LYST: variants seen among roughly 807,000 people sequenced by gnomAD.
The protein encoded by LYST is lysosomal trafficking regulator.
In LYST, 192 loss-of-function variants were observed where a neutral mutation model predicts 413.6. The ratio of observed to expected loss-of-function variants is 0.46; its 90% CI spans 0.41 to 0.52. LYST has a LOEUF of 0.52. LYST is among the 20% of genes least tolerant of loss of function. The pLI is 0.00. For synonymous variants in LYST, 1,525 were observed against 1,567.3 expected (o/e 0.97, Z 0.64); for missense variants, 3,815 against 4,499.9 (o/e 0.85, Z 4.35).
At chr1:235,871,778 C>G (rs920678869), upstream of LYST, among the ~76,000 whole-genome samples, 5 of 152,286 alleles carry the variant, frequency 3.3e-5, no homozygotes, top group African/African-American at 1.2e-4. Context: ...GAATTCTTTC[C>G]TGTGCAAGAT....
chr1:235,745,804 C>T (rs1665862534), intron 29 of LYST, among the ~76,000 whole-genome samples: 1 of 152,128 alleles, frequency 6.6e-6, no homozygotes, highest in Non-Finnish European at 1.5e-5. Context: ...ATACTGTACG[C>T]TTCCATTTAT....
At chr1:235,702,148 T>A (rs1045304208) in intron 45 of LYST, among the ~76,000 whole-genome samples, 1 of 152,258 alleles carries the variant, frequency 6.6e-6, no homozygotes, top group Non-Finnish European at 1.5e-5. Context: ...GCTGTTTTTA[T>A]AACGAAGAAT....
At chr1:235,867,408 A>G (rs1680682707), upstream of LYST, among the ~76,000 whole-genome samples, 1 of 152,208 alleles carries the variant, frequency 6.6e-6, no homozygotes, top group Non-Finnish European at 1.5e-5. Flanking sequence ...GTTACCCACA[A>G]GGCACCCCTA....
At chr1:235,739,105 T>C (rs1665099775) in intron 31 of LYST, 1 of 528,906 alleles carries the variant, frequency 1.9e-6, no homozygotes, top group East Asian at 5.2e-5. Context: ...TTAAGATGGA[T>C]TGGGAAAAAC....
chr1:235,768,288 G>T (rs1488037302), intron 20 of LYST, among the ~76,000 whole-genome samples: 1 of 151,916 alleles, frequency 6.6e-6, no homozygotes, highest in Admixed American at 6.6e-5. Flanking sequence ...CATTTAAAAA[G>T]AATCAAGTCC....
chr1:235,679,692 C>G (rs1020256296), intron 48 of LYST, among the ~76,000 whole-genome samples: 2 of 152,088 alleles, frequency 1.3e-5, no homozygotes, highest in Non-Finnish European at 2.9e-5. Context: ...AAAGTGAAGT[C>G]TTTGAGGATC....
Position 235,810,222 on chromosome 1 carries a change from T to A in LYST, c.596A>T (p.Asp199Val), listed in dbSNP as rs775288121. The change falls in exon 5 of 53, where the codon GAC becomes GTC. Residue 199 changes from aspartate to valine, a missense_variant. By Grantham distance (152) the Asp-to-Val change is radical. This residue lies in a region of LYST where 1,648 missense variants were observed against 1,810.3 expected (regional missense o/e 0.91). Coordinates refer to ENST00000389793, the MANE Select transcript of LYST (RefSeq NM_000081.4). ...HHFLTSFPKQ[D>V]HPKAKLDRLA... ...GCGGTCAAGTTTAGCTTTGGGGTGG[T>A]CTTGTTTAGGAAACGATGTTAAAAA... 2 of 1,613,972 alleles carry A rather than the reference T, an allele frequency of 1.2e-6. No individual in the cohort carries two copies. Among genetic ancestry groups the A allele is most frequent in the Admixed American group, 3.3e-5 (2 of 59,996 alleles).
intron 16 of LYST, among the ~76,000 whole-genome samples, chr1:235,778,406 G>C (rs906218073): frequency 9.9e-5 from 15 of 151,820 alleles, no homozygotes; most frequent in Non-Finnish European, 2.1e-4. Flanking sequence ...ACGGAGTCTT[G>C]CTCTGTTGCC....
At chr1:235,824,961 A>G (rs550165584) in intron 3 of LYST, among the ~76,000 whole-genome samples, 183 of 152,234 alleles carry the variant, frequency 1.2e-3, no homozygotes, top group African/African-American at 4.3e-3. Flanking sequence ...CAGAGGTTGC[A>G]GTGAGCCAAG....
intron 50 of LYST, among the ~76,000 whole-genome samples, chr1:235,667,910 C>A (rs191575440): frequency 4.6e-5 from 7 of 152,136 alleles, no homozygotes; most frequent in African/African-American, 1.7e-4. Flanking sequence ...GATCTACCCA[C>A]CTCGGCCTCC....
chr1:235,839,788 G>C (rs1677010212), intron 1 of LYST: 1 of 151,658 alleles, frequency 6.6e-6, no homozygotes, highest in Non-Finnish European at 1.5e-5. Context: ...CTGGGCGACA[G>C]AGCGAGACTC....
At chr1:235,687,769 T>C (rs1660331252) in intron 47 of LYST, among the ~76,000 whole-genome samples, 2 of 152,134 alleles carry the variant, frequency 1.3e-5, no homozygotes, top group South Asian at 4.1e-4. Flanking sequence ...TGCACACCTC[T>C]TCCTCTCCTC....
intron 6 of LYST, 53 bp from the exon 7 acceptor site, chr1:235,804,718 AATG>A: frequency 9.6e-7 from 1 of 1,036,470 alleles, no homozygotes; most frequent in Non-Finnish European, 1.5e-6. Flanking sequence ...TAAAAAACTA[AATG>A]ATGAAAAAAT....
At chr1:235,692,362 C>G (rs887919734) in intron 47 of LYST, among the ~76,000 whole-genome samples, 1 of 151,698 alleles carries the variant, frequency 6.6e-6, no homozygotes, top group Non-Finnish European at 1.5e-5. Context: ...ACCAACCAAC[C>G]AACCTAGCTG....
At position 235,751,999 on chromosome 1, in the gene LYST, T is replaced by A. The variant is rs749282192; in HGVS notation, c.7627+6A>T. 4.8e-5 allele frequency: 77 copies of A among 1,599,698 alleles called. No homozygotes were observed. Among genetic ancestry groups the A allele is most frequent in the Middle Eastern group, 3.8e-4 (2 of 5,266 alleles). Reference sequence around the variant, plus strand: ...CCTCCCCAAATTCATAAAAATTAAATCTTACTTTGTGTCCTCTTGTTTTTG... The same window carrying A: ...CCTCCCCAAATTCATAAAAATTAAAACTTACTTTGTGTCCTCTTGTTTTTG... On this transcript the variant is annotated splice_donor_region_variant and intron_variant, in intron 27 of 52. Coordinates refer to ENST00000389793, the MANE Select transcript of LYST (RefSeq NM_000081.4).
chr1:235,663,082 TAAAA>T lies in LYST; in HGVS notation c.11268-8_11268-5del. The T allele has an allele frequency of 7.3e-7, 1 of 1,362,306 alleles. No homozygotes were observed. Among genetic ancestry groups the T allele is most frequent in the Non-Finnish European group, 1.0e-6 (1 of 977,004 alleles). The allele number at this position is 1,362,306 out of a possible 1,614,324, so 84.4% of individuals were successfully genotyped here. The stretch of plus-strand genomic sequence containing the variant: ...GCCATCACAAGAAAATGTAAGGCTG[TAAAA>T]AAAAAAAAATTCCCATTTGTACATT... On this transcript the variant is annotated splice_region_variant and splice_polypyrimidine_tract_variant and intron_variant, in intron 52 of 52. Coordinates refer to ENST00000389793, the MANE Select transcript of LYST (RefSeq NM_000081.4).
intron 7 of LYST, among the ~76,000 whole-genome samples, chr1:235,803,429 G>A (rs1423259119): frequency 6.6e-6 from 1 of 151,970 alleles, no homozygotes; most frequent in African/African-American, 2.4e-5. Flanking sequence ...GTGCACATTT[G>A]TTAATAAAAA....
chr1:235,838,217 T>C (rs1259437293), intron 1 of LYST, among the ~76,000 whole-genome samples: 2 of 152,178 alleles, frequency 1.3e-5, no homozygotes, highest in African/African-American at 2.4e-5. Context: ...CTGATGAGTG[T>C]AACAGGGTCA....
At position 235,860,471 on chromosome 1, in the gene LYST, C is replaced by T. The variant is rs374281478; in HGVS notation, c.-98+6372G>A. Among the ~76,000 whole-genome samples the T allele has an allele frequency of 4.6e-5, 7 of 152,276 alleles. No homozygotes were observed. The South Asian group carries it at 6.2e-4, about 14-fold the overall frequency. On this transcript the variant is annotated intron_variant, in intron 1 of 52. Coordinates refer to ENST00000389793, the MANE Select transcript of LYST (RefSeq NM_000081.4). The stretch of plus-strand genomic sequence containing the variant: ...TGTAGTATCTTCAGAATAGTTTCAC[C>T]GCCCTAAAAATCTTCTGTGCTCTGC...
Sources: allele counts gnomAD v4.1 joint callset (sites outside exome capture counted in the v4.1 genomes callset), GRCh38; gene constraint gnomAD v4.1.1; regional missense constraint gnomAD v4.1.1; transcripts MANE v1.5; gene names NCBI Gene and HGNC (gene_info 2026-07-23, HGNC 2026-07-21).